Variants in PCF11 observed in about 807,000 individuals in gnomAD.
The protein encoded by PCF11 is pre-mRNA cleavage complex 2 protein Pcf11.
Under a neutral mutation model 166.1 loss-of-function variants are expected in PCF11, and 19 were observed. That is an observed-to-expected ratio of 0.11 (90% CI 0.08 to 0.17). The LOEUF is 0.17. Among genes scored for constraint, PCF11 ranks in the 10% least tolerant of loss-of-function variants. PCF11 has a pLI of 1.00. For synonymous variants in PCF11, 663 were observed against 644.1 expected, an observed-to-expected ratio of 1.03 and a Z score of -0.44; for missense variants, 1,565 against 1,855.5, an observed-to-expected ratio of 0.84 and a Z score of 2.88.
chr11:83,168,621 A>G (rs934576103), exon 8 of PCF11: 34 of 1,613,798 alleles, frequency 2.1e-5, no homozygotes, highest in Middle Eastern at 3.3e-4. Context: ...CAGTAGCAAG[A>G]GATGGCCCAA....
At chr11:83,186,083 CACTT>C (rs887758616) in exon 16 of PCF11, 5 of 152,216 alleles carry the variant, frequency 3.3e-5, no homozygotes, top group Non-Finnish European at 7.3e-5. Flanking sequence ...TTAAGCCACT[CACTT>C]TAAAATTTTT....
In PCF11 at chr11:83,169,170, C is replaced by T. The variant is rs745804513; in HGVS notation, c.2835C>T (p.Gly945=). 2.5e-6 allele frequency: 4 copies of T among 1,612,288 alleles called. No individual in the cohort carries two copies. In the East Asian group the frequency reaches 8.9e-5, roughly 36 times the overall value. ...CAGGAGGTGGAATCAGATTTGAGGG[C>T]CCTTTGCTACAGCAAGGGGTTGGAA... is the stretch of plus-strand genomic sequence containing the variant. Residue 945 remains glycine, a synonymous_variant, in exon 8 of 16, where the codon GGC becomes GGT. Coordinates refer to ENST00000298281, the Ensembl canonical transcript of PCF11.
chr11:83,167,207 C>T lies in PCF11; in HGVS notation c.1900C>T (p.Pro634Ser). Residue 634 changes from proline to serine, a missense_variant, in exon 6 of 16, where the codon CCT (proline) becomes TCT (serine). Around this residue, in one of 12 missense-constraint regions of PCF11, gnomAD observed 468 missense variants for 483.4 expected, o/e 0.97. Transcript: ENST00000298281. This position sits in a 1 kb window ranked among gnomAD's most constrained non-coding sequence, Gnocchi z 4.2. Reference sequence around the variant, plus strand: ...GTCAAGCACTAAAGGAATTTTATCACCTCGAGCCCCAAAGCAGCAACAGCA... The same window carrying T: ...GTCAAGCACTAAAGGAATTTTATCATCTCGAGCCCCAAAGCAGCAACAGCA... The T allele has an allele frequency of 2.5e-6, 4 of 1,613,668 alleles. No homozygotes were observed. The highest frequency in any genetic ancestry group is 3.4e-6 in the Non-Finnish European group (4 of 1,179,634).
chr11:83,158,369 A>C (rs767641050), intron 1 of PCF11: 3 of 152,332 alleles, frequency 2.0e-5, no homozygotes, highest in Middle Eastern at 6.8e-3. Context: ...TCCAACCTGT[A>C]GGTGGAGAAC....
Position 83,183,190 on chromosome 11 carries a change from T to C in PCF11, c.4452+117T>C, listed in dbSNP as rs1338667194. The stretch of plus-strand genomic sequence containing the variant: ...TTTAAACTTAATATATTGAACTGTT[T>C]TTGTTTTTTGATATAGCATTTAGGT... On this transcript the variant is annotated intron_variant, in intron 15 of 15. Transcript: ENST00000298281. 1.0e-5 allele frequency: 6 copies of C among 594,138 alleles called. No homozygotes were observed. The East Asian group carries it at 1.3e-4, about 13-fold the overall frequency. The allele number at this position is 594,138 out of a possible 1,614,324, so 36.8% of individuals were successfully genotyped here.
chr11:83,167,743 A>AG lies in PCF11; in HGVS notation c.2092+238_2092+239insG. On this transcript the variant is annotated intron_variant, in intron 7 of 15. Transcript: ENST00000298281. The surrounding 1 kb of genome is among the most constrained non-coding windows in gnomAD (Gnocchi z 4.2). Reference sequence around the variant, plus strand: ...GAATGTGAGCCATCCAAAAGTAAACATGCAAGTAGGAATAGTGGAGCACAG... The same window carrying AG: ...GAATGTGAGCCATCCAAAAGTAAACAGTGCAAGTAGGAATAGTGGAGCACAG... 6.8e-7 allele frequency: 1 copy of AG among 1,460,948 alleles called. No homozygotes were observed. Among genetic ancestry groups the AG allele is most frequent in the Non-Finnish European group, 9.1e-7 (1 of 1,100,310 alleles). The allele number at this position is 1,460,948 out of a possible 1,614,324, so 90.5% of individuals were successfully genotyped here. A position where few individuals can be genotyped will look rare whatever the true frequency, so the allele number is the denominator to read the frequency against.
At chr11:83,159,177 T>C (rs1860128487) in intron 1 of PCF11, among the ~76,000 whole-genome samples, 1 of 152,208 alleles carries the variant, frequency 6.6e-6, no homozygotes, top group African/African-American at 2.4e-5. Flanking sequence ...CACTTTTTCC[T>C]GTGAAAGTGT....
rs1319389377 is a variant in PCF11 at position 83,164,510 on chromosome 11, CTT to C, written c.702+114_702+115del. 40 of 728,526 alleles carry C rather than the reference CTT, an allele frequency of 5.5e-5. No individual in the cohort carries two copies. The East Asian group carries it at 9.5e-4, about 17-fold the overall frequency. The allele number at this position is 728,526 out of a possible 1,614,324, so 45.1% of individuals were successfully genotyped here. A position where few individuals can be genotyped will look rare whatever the true frequency, so the allele number is the denominator to read the frequency against. On this transcript the variant is annotated intron_variant, in intron 4 of 15. Transcript: ENST00000298281. ...ATGTTACTTTTATTAATAGTGTACT[CTT>C]TTTTCACTTTTATTTTACAAATGAG...
At chr11:83,159,832 C>T (rs1225458862) in intron 1 of PCF11, among the ~76,000 whole-genome samples, 1 of 152,134 alleles carries the variant, frequency 6.6e-6, no homozygotes, top group Non-Finnish European at 1.5e-5. Context: ...TAATTTGACT[C>T]CTCCCAAGAG....
At chr11:83,157,790 C>A in intron 1 of PCF11, 159 bp downstream of exon 1, 1 of 650,622 alleles carries the variant, frequency 1.5e-6, no homozygotes, top group South Asian at 1.9e-5. Flanking sequence ...GCCCAGGCTT[C>A]GAGCATGGGC....
intron 9 of PCF11, among the ~76,000 whole-genome samples, chr11:83,175,890 A>T (rs1430322829): frequency 1.3e-5 from 2 of 152,248 alleles, no homozygotes; most frequent in Non-Finnish European, 2.9e-5. Flanking sequence ...TTATTTATTC[A>T]AGTTATTGAA....
chr11:83,180,962 T>C, intron 11 of PCF11, 46 bp from the exon 12 acceptor site: 2 of 1,117,244 alleles, frequency 1.8e-6, no homozygotes, highest in Non-Finnish European at 2.6e-6. Flanking sequence ...TTAAAGGCCA[T>C]TAAGCCATAT....
Position 83,171,408 on chromosome 11 carries a change from G to C in PCF11, c.3661-410G>C, listed in dbSNP as rs74621270. On this transcript the variant is annotated intron_variant, in intron 8 of 15. Coordinates refer to ENST00000298281, the Ensembl canonical transcript of PCF11. ...TAACTAGCCCTTGTGATTGTGTATAGATCATATTGCATTATGTCAGTTCTT... is the reference window on the plus strand; with the variant it reads ...TAACTAGCCCTTGTGATTGTGTATACATCATATTGCATTATGTCAGTTCTT... 1,404 of 376,094 alleles carry C rather than the reference G, an allele frequency of 3.7e-3. 29 individuals are homozygous for C. Among genetic ancestry groups the C allele is most frequent in the East Asian group, 0.031 (420 of 13,356 alleles). 23.3% of individuals were successfully genotyped at this position (376,094 alleles called of 1,614,324 possible). A position where few individuals can be genotyped will look rare whatever the true frequency, so the allele number is the denominator to read the frequency against.
chr11:83,159,530 CTT>C (rs1160385532), intron 1 of PCF11, among the ~76,000 whole-genome samples: 1 of 152,078 alleles, frequency 6.6e-6, no homozygotes, highest in Non-Finnish European at 1.5e-5. Context: ...CCACATAAAA[CTT>C]GTGTTTGTAT....
At chr11:83,159,262 G>C (rs1185954265) in intron 1 of PCF11, among the ~76,000 whole-genome samples, 5 of 151,862 alleles carry the variant, frequency 3.3e-5, no homozygotes, top group African/African-American at 1.2e-4. Flanking sequence ...GCTTTTTATT[G>C]ATACCACAAA....
At position 83,167,942 on chromosome 11, in the gene PCF11, A is replaced by C; in HGVS notation, c.2092+437A>C. 8.1e-7 allele frequency: 1 copy of C among 1,240,248 alleles called. No individual in the cohort carries two copies. The highest frequency in any genetic ancestry group is 1.0e-6 in the Non-Finnish European group (1 of 965,994). 76.8% of individuals were successfully genotyped at this position (1,240,248 alleles called of 1,614,324 possible). On this transcript the variant is annotated intron_variant, in intron 7 of 15. Coordinates refer to ENST00000298281, the Ensembl canonical transcript of PCF11. The surrounding 1 kb of genome is among the most constrained non-coding windows in gnomAD (Gnocchi z 4.2). ...GATTATGCCTATTGAATCACACAGC[A>C]GTGAAGGGAAAATGAACAAGCTAAG...
chr11:83,177,059 TTTTC>T (rs766455171), intron 9 of PCF11, 22 bp from the exon 10 acceptor site: 206 of 1,434,596 alleles, frequency 1.4e-4, no homozygotes, highest in African/African-American at 4.9e-4. Flanking sequence ...AAGTGGTTTT[TTTTC>T]TTTCTTTCTT....
At chr11:83,158,925 C>T (rs1860117881) in intron 1 of PCF11, 1 of 151,794 alleles carries the variant, frequency 6.6e-6, no homozygotes, top group Non-Finnish European at 1.5e-5. Flanking sequence ...AATCTGTTTC[C>T]AAGACTTATT....
chr11:83,177,071 C>A lies in PCF11; in HGVS notation c.3758-14C>A. 2 of 1,437,222 alleles carry A rather than the reference C, an allele frequency of 1.4e-6. No individual in the cohort carries two copies. The highest frequency in any genetic ancestry group is 1.5e-5 in the African/African-American group (1 of 67,880). The allele number at this position is 1,437,222 out of a possible 1,614,324, so 89.0% of individuals were successfully genotyped here. A position where few individuals can be genotyped will look rare whatever the true frequency, so the allele number is the denominator to read the frequency against. On this transcript the variant is annotated splice_polypyrimidine_tract_variant and intron_variant, in intron 9 of 15. Transcript: ENST00000298281. ...CAAAAGTGGTTTTTTTTCTTTCTTT[C>A]TTTTTTTTGTTAGGAGCCCTCCCTA...
Sources: allele counts gnomAD v4.1 joint callset (sites outside exome capture counted in the v4.1 genomes callset), GRCh38; gene constraint gnomAD v4.1.1; regional missense constraint gnomAD v4.1.1; non-coding constraint Gnocchi (gnomAD v3.1); transcripts MANE v1.5; gene names NCBI Gene and HGNC (gene_info 2026-07-23, HGNC 2026-07-21).